RPS14: variants seen among roughly 807,000 people sequenced by gnomAD.
RPS14 encodes the protein small ribosomal subunit protein uS11.
RPS14 carries 1 observed loss-of-function variant against 15.4 expected under a neutral mutation model. That is an observed-to-expected ratio of 0.07 (90% CI 0.02 to 0.31). RPS14 has a LOEUF of 0.31. Ranked by LOEUF, RPS14 falls within the 10% of genes least tolerant of loss-of-function variation. RPS14 has a pLI of 1.00. For synonymous variants in RPS14, 68 were observed against 74.4 expected (o/e 0.91, Z 0.44); for missense variants, 69 against 205.5 (o/e 0.34, Z 4.06).
In RPS14 at chr5:150,444,104, T is replaced by C. The variant is rs997940378; in HGVS notation, c.*182A>G. 2.2e-6 allele frequency: 2 copies of C among 911,174 alleles called. No individual in the cohort carries two copies. The highest frequency in any genetic ancestry group is 3.1e-5 in the East Asian group (1 of 31,890). The allele number at this position is 911,174 out of a possible 1,614,324, so 56.4% of individuals were successfully genotyped here. A position where few individuals can be genotyped will look rare whatever the true frequency, so the allele number is the denominator to read the frequency against. Reference sequence around the variant, plus strand: ...AGGCAACTTAATGCCGCAAGTAGCATGGAAAAGACCCCAAATGCAGCACCA... The same window carrying C: ...AGGCAACTTAATGCCGCAAGTAGCACGGAAAAGACCCCAAATGCAGCACCA... On this transcript the variant is annotated 3_prime_UTR_variant, in exon 5 of 5. Coordinates refer to ENST00000407193, the MANE Select transcript of RPS14 (RefSeq NM_005617.4).
Position 150,442,768 on chromosome 5 carries a change from A to G in RPS14, c.*1518T>C, listed in dbSNP as rs13160685. The G allele has an allele frequency of 0.22, 34,215 of 152,138 alleles. 4,362 individuals are homozygous for G. Among genetic ancestry groups the G allele is most frequent in the South Asian group, 0.4 (1,936 of 4,818 alleles). 9.4% of individuals were successfully genotyped at this position (152,138 alleles called of 1,614,324 possible). Reference sequence around the variant, plus strand: ...AGGCTGAATGTAGTGATGCAATCACAGCTCACTGCGGCCTCCACTTCCCAG... The same window carrying G: ...AGGCTGAATGTAGTGATGCAATCACGGCTCACTGCGGCCTCCACTTCCCAG... On this transcript the variant is annotated 3_prime_UTR_variant, in exon 5 of 5. Transcript: ENST00000407193.
chr5:150,443,007 T>C lies in RPS14; in HGVS notation c.*1279A>G, dbSNP rs1314130366. On this transcript the variant is annotated 3_prime_UTR_variant, in exon 5 of 5. Transcript: ENST00000407193. ...ACCACTGTGCCCTGCCTTTATCCTATTTCACTAGTTTTTATACTAATACCC... is the reference window on the plus strand; with the variant it reads ...ACCACTGTGCCCTGCCTTTATCCTACTTCACTAGTTTTTATACTAATACCC... 6.6e-6 allele frequency: 1 copy of C among 152,186 alleles called. No homozygotes were observed. Among genetic ancestry groups the C allele is most frequent in the African/African-American group, 2.4e-5 (1 of 41,446 alleles). 9.4% of individuals were successfully genotyped at this position (152,186 alleles called of 1,614,324 possible). A position where few individuals can be genotyped will look rare whatever the true frequency, so the allele number is the denominator to read the frequency against.
At position 150,446,543 on chromosome 5, in the gene RPS14, T is replaced by C. The variant is rs1289882852; in HGVS notation, c.311+259A>G. ...AGTCTGACTCTCCCACCAGCCTCGGTCCCACACAAGGAGGGTAGAGACCAT... is the reference window on the plus strand; with the variant it reads ...AGTCTGACTCTCCCACCAGCCTCGGCCCCACACAAGGAGGGTAGAGACCAT... On this transcript the variant is annotated intron_variant, in intron 3 of 4. Coordinates refer to ENST00000407193, the MANE Select transcript of RPS14 (RefSeq NM_005617.4). This position sits in a 1 kb window ranked among gnomAD's most constrained non-coding sequence, Gnocchi z 4.2. Among the ~76,000 whole-genome samples the C allele has an allele frequency of 6.6e-6, 1 of 152,306 alleles. No individual in the cohort carries two copies. The highest frequency in any genetic ancestry group is 1.9e-4 in the East Asian group (1 of 5,192).
intron 4 of RPS14, chr5:150,444,582 G>A (rs1459062333): frequency 1.5e-6 from 1 of 673,964 alleles, no homozygotes; most frequent in South Asian, 1.5e-5. Context: ...GCTGAGCTGT[G>A]CGCAAGATGT....
intron 1 of RPS14, chr5:150,448,808 T>C (rs1329341727): frequency 6.6e-6 from 1 of 152,222 alleles, no homozygotes; most frequent in Non-Finnish European, 1.5e-5. Flanking sequence ...TAAACTTTAG[T>C]TAAGTGTGTG....
intron 1 of RPS14, 33 bp from the exon 2 acceptor site, chr5:150,447,768 A>C (rs954287696): frequency 1.2e-6 from 2 of 1,605,024 alleles, no homozygotes; most frequent in African/African-American, 2.7e-5. Flanking sequence ...CAAGGTTAAC[A>C]GACAAAACAT....
Position 150,446,985 on chromosome 5 carries a change from C to A in RPS14, c.150-22G>T, listed in dbSNP as rs897315401. ...TTCCCTGGGGACAAAAGCACAGGGT[C>A]ATTTCTTCCTCGTCCAACAAGGAGT... On this transcript the variant is annotated intron_variant, in intron 2 of 4. Coordinates refer to ENST00000407193, the MANE Select transcript of RPS14 (RefSeq NM_005617.4). The surrounding 1 kb of genome is among the most constrained non-coding windows in gnomAD (Gnocchi z 4.2). 8 of 1,613,292 alleles carry A rather than the reference C, an allele frequency of 5.0e-6. No homozygotes were observed. Among genetic ancestry groups the A allele is most frequent in the African/African-American group, 2.7e-5 (2 of 74,912 alleles).
chr5:150,444,111 G>T lies in RPS14; in HGVS notation c.*175C>A. The T allele has an allele frequency of 1.0e-6, 1 of 967,764 alleles. No individual in the cohort carries two copies. Among genetic ancestry groups the T allele is most frequent in the Non-Finnish European group, 1.4e-6 (1 of 703,760 alleles). The allele number at this position is 967,764 out of a possible 1,614,324, so 59.9% of individuals were successfully genotyped here. On this transcript the variant is annotated 3_prime_UTR_variant, in exon 5 of 5. Coordinates refer to ENST00000407193, the MANE Select transcript of RPS14 (RefSeq NM_005617.4). The stretch of plus-strand genomic sequence containing the variant: ...TTAATGCCGCAAGTAGCATGGAAAA[G>T]ACCCCAAATGCAGCACCAGGATCTC...
At chr5:150,445,471 C>T in intron 4 of RPS14, 138 bp downstream of exon 4, 1 of 779,630 alleles carries the variant, frequency 1.3e-6, no homozygotes. Context: ...CACAAGGTGC[C>T]TCTTGCAGCC....
Position 150,442,970 on chromosome 5 carries a change from T to C in RPS14, c.*1316A>G, listed in dbSNP as rs911164910. On this transcript the variant is annotated 3_prime_UTR_variant, in exon 5 of 5. Coordinates refer to ENST00000407193, the MANE Select transcript of RPS14 (RefSeq NM_005617.4). Reference sequence around the variant, plus strand: ...GTCTCGGCTTCCCAAAGTGTTGGGATTATAGGCGTGAACCACTGTGCCCTG... The same window carrying C: ...GTCTCGGCTTCCCAAAGTGTTGGGACTATAGGCGTGAACCACTGTGCCCTG... The C allele has an allele frequency of 2.0e-5, 3 of 152,230 alleles. No individual in the cohort carries two copies. Among genetic ancestry groups the C allele is most frequent in the African/African-American group, 7.2e-5 (3 of 41,442 alleles). 9.4% of individuals were successfully genotyped at this position (152,230 alleles called of 1,614,324 possible).
chr5:150,447,405 G>C, intron 2 of RPS14, 180 bp downstream of exon 2: 1 of 658,702 alleles, frequency 1.5e-6, no homozygotes. Context: ...CGAAGAATGT[G>C]TCTCCTCTCT....
intron 2 of RPS14, 144 bp from the exon 3 acceptor site, chr5:150,447,107 G>A: frequency 1.2e-6 from 1 of 860,720 alleles, no homozygotes; most frequent in Non-Finnish European, 1.8e-6. Flanking sequence ...GTCCAGTGGG[G>A]TTGAATGGCC....
At position 150,444,017 on chromosome 5, in the gene RPS14, T is replaced by G. The variant is rs550468441; in HGVS notation, c.*269A>C. ...TGGCTCTTTAAGAATTGGTCCATAT[T>G]TAGAACCAGCATCTCCACTCAAAAC... On this transcript the variant is annotated 3_prime_UTR_variant, in exon 5 of 5. Transcript: ENST00000407193. The G allele has an allele frequency of 7.4e-6, 2 of 271,196 alleles. No homozygotes were observed. Among genetic ancestry groups the G allele is most frequent in the Non-Finnish European group, 1.4e-5 (2 of 142,346 alleles). 16.8% of individuals were successfully genotyped at this position (271,196 alleles called of 1,614,324 possible). A position where few individuals can be genotyped will look rare whatever the true frequency, so the allele number is the denominator to read the frequency against.
chr5:150,444,221 G>C lies in RPS14; in HGVS notation c.*65C>G, dbSNP rs1049336952. ...GAGTAGCCCCTGATGAAGGAGAGAA[G>C]GCTGGAGTTGAAACAGTTTACATGA... On this transcript the variant is annotated 3_prime_UTR_variant, in exon 5 of 5. Coordinates refer to ENST00000407193, the MANE Select transcript of RPS14 (RefSeq NM_005617.4). 81 of 1,551,560 alleles carry C rather than the reference G, an allele frequency of 5.2e-5. No homozygotes were observed. The East Asian group carries it at 1.3e-3, about 26-fold the overall frequency.
chr5:150,445,507 A>T (rs1771065830), intron 4 of RPS14, 102 bp downstream of exon 4: 1 of 1,140,186 alleles, frequency 8.8e-7, no homozygotes, highest in Non-Finnish European at 1.3e-6. Flanking sequence ...AACTGCCAAA[A>T]GTGACCAGAC....
intron 1 of RPS14, chr5:150,449,450 G>C (rs538945169): frequency 1.3e-5 from 2 of 152,248 alleles, no homozygotes; most frequent in South Asian, 4.1e-4. Context: ...GCCGTATTGC[G>C]GGGCCGAGGC....
At chr5:150,445,999 G>A (rs923763668) in intron 3 of RPS14, among the ~76,000 whole-genome samples, 3 of 152,122 alleles carry the variant, frequency 2.0e-5, no homozygotes, top group Non-Finnish European at 4.4e-5. Context: ...GGCTGAGGTG[G>A]GAGGACTGCT....
intron 4 of RPS14, chr5:150,444,597 G>A (rs1300020346): frequency 1.5e-6 from 1 of 666,706 alleles, no homozygotes; most frequent in South Asian, 1.5e-5. Context: ...AGATGTCAGA[G>A]GCACAGGACA....
In RPS14 at chr5:150,444,160, C is replaced by G. The variant is rs745911277; in HGVS notation, c.*126G>C. 2 of 1,428,504 alleles carry G rather than the reference C, an allele frequency of 1.4e-6. 1 individual carries two copies. Among genetic ancestry groups the G allele is most frequent in the Non-Finnish European group, 1.9e-6 (2 of 1,080,134 alleles). 88.5% of individuals were successfully genotyped at this position (1,428,504 alleles called of 1,614,324 possible). A position where few individuals can be genotyped will look rare whatever the true frequency, so the allele number is the denominator to read the frequency against. On this transcript the variant is annotated 3_prime_UTR_variant, in exon 5 of 5. Coordinates refer to ENST00000407193, the MANE Select transcript of RPS14 (RefSeq NM_005617.4). ...TCAGCTCTCCTCAGGCTCCTTTCTC[C>G]CAAGAAGCCAAATAGGAGGAAGAAA...
Sources: gnomAD v4.1 joint callset for allele counts (sites outside exome capture counted in the v4.1 genomes callset) on GRCh38, gnomAD v4.1.1 for gene constraint, Gnocchi (gnomAD v3.1) non-coding constraint, MANE v1.5 for transcripts, NCBI Gene and HGNC (gene_info 2026-07-23, HGNC 2026-07-21) for gene names.